Variants in AK8 observed in about 807,000 individuals in gnomAD.
The protein encoded by AK8 is ATP-AMP transphosphorylase 8.
A neutral mutation model predicts 54.6 loss-of-function variants in AK8; 44 were observed. That is an observed-to-expected ratio of 0.81 (90% CI 0.63 to 1.04). The LOEUF is 1.04. Ranked by LOEUF, AK8 falls within the 50% of genes least tolerant of loss-of-function variation. AK8 has a pLI of 0.00. For synonymous variants in AK8, 239 were observed against 245.6 expected (o/e 0.97, Z 0.25); for missense variants, 555 against 613.6 (o/e 0.90, Z 1.01).
At chr9:132,742,524 C>A (rs1161958931) in intron 11 of AK8, among the ~76,000 whole-genome samples, 3 of 152,154 alleles carry the variant, frequency 2.0e-5, no homozygotes, top group African/African-American at 7.2e-5. Context: ...TCTGGGGTGA[C>A]CTTTGGCCAA....
rs111587325 is a variant in AK8, at chr9:132,727,970, C to G, written c.1122-436G>C. Among the ~76,000 whole-genome samples the G allele has an allele frequency of 7.7e-3, 1,165 of 150,914 alleles. 4 individuals carry two copies. The highest frequency in any genetic ancestry group is 0.017 in the Middle Eastern group (5 of 294). On this transcript the variant is annotated intron_variant, in intron 11 of 12. Coordinates refer to ENST00000298545, the MANE Select transcript of AK8 (RefSeq NM_152572.3). ...CCCAGGTCCTGCAGGGCATGGTGTG[C>G]CCCCCTTTTCCTGGGAGCTGTGAGT... is the stretch of plus-strand genomic sequence containing the variant.
At chr9:132,846,049 C>T (rs1402380210) in intron 5 of AK8, among the ~76,000 whole-genome samples, 3 of 152,232 alleles carry the variant, frequency 2.0e-5, no homozygotes, top group East Asian at 3.9e-4. Flanking sequence ...CGATCACTGG[C>T]AGCCCACCCT....
intron 5 of AK8, among the ~76,000 whole-genome samples, chr9:132,829,577 T>A (rs976925041): frequency 1.3e-5 from 2 of 148,954 alleles, no homozygotes; most frequent in African/African-American, 2.4e-5. Flanking sequence ...CCCATATATC[T>A]GCAGGAACAC....
At chr9:132,756,068 C>CA (rs954334761) in intron 11 of AK8, among the ~76,000 whole-genome samples, 2 of 152,194 alleles carry the variant, frequency 1.3e-5, no homozygotes, top group African/African-American at 4.8e-5. Flanking sequence ...CACCTAGACT[C>CA]AAAGACTTTT....
chr9:132,806,043 G>T (rs215161), intron 10 of AK8, among the ~76,000 whole-genome samples: 1 of 151,532 alleles, frequency 6.6e-6, no homozygotes, highest in African/African-American at 2.4e-5. Flanking sequence ...GGGAGGCAAC[G>T]CGAAGGAAAT....
At chr9:132,842,371 C>T (rs1482281975) in intron 5 of AK8, among the ~76,000 whole-genome samples, 2 of 152,096 alleles carry the variant, frequency 1.3e-5, no homozygotes, top group African/African-American at 4.8e-5. Flanking sequence ...AATATTTACC[C>T]AGCATGGAGT....
intron 5 of AK8, among the ~76,000 whole-genome samples, chr9:132,841,867 A>G (rs987187315): frequency 3.3e-5 from 5 of 152,152 alleles, no homozygotes; most frequent in Non-Finnish European, 7.4e-5. Context: ...GGAATAGAGG[A>G]GGAGGAGACA....
chr9:132,836,957 T>G (rs1449278475), intron 5 of AK8, among the ~76,000 whole-genome samples: 1 of 152,248 alleles, frequency 6.6e-6, no homozygotes, highest in Non-Finnish European at 1.5e-5. Flanking sequence ...GCTTAATAAA[T>G]GTCTCCTGGC....
intron 11 of AK8, among the ~76,000 whole-genome samples, chr9:132,753,769 C>A (rs1838059070): frequency 6.6e-6 from 1 of 152,236 alleles, no homozygotes; most frequent in African/African-American, 2.4e-5. Context: ...GAGACAAGTG[C>A]TCTCACGCCC....
At chr9:132,775,407 A>G (rs1270141400) in intron 11 of AK8, among the ~76,000 whole-genome samples, 2 of 152,036 alleles carry the variant, frequency 1.3e-5, no homozygotes, top group African/African-American at 4.8e-5. Flanking sequence ...GATTCAAGCG[A>G]TTCTCCTGCC....
intron 10 of AK8, 109 bp downstream of exon 10, chr9:132,814,529 C>T: frequency 1.8e-6 from 2 of 1,091,232 alleles, no homozygotes; most frequent in Non-Finnish European, 2.6e-6. Flanking sequence ...TTTCCATTTC[C>T]CGGCTGTTCT....
chr9:132,859,634 C>G (rs1162722410), intron 4 of AK8, among the ~76,000 whole-genome samples: 1 of 150,448 alleles, frequency 6.6e-6, no homozygotes, highest in Non-Finnish European at 1.5e-5. Flanking sequence ...CCTACCCTGT[C>G]CCCCTCCTTC....
chr9:132,829,835 G>A (rs377027621), intron 5 of AK8, among the ~76,000 whole-genome samples: 7 of 152,156 alleles, frequency 4.6e-5, no homozygotes, highest in Non-Finnish European at 7.3e-5. Flanking sequence ...GATTACTGGC[G>A]TGAGCCACTG....
chr9:132,754,185 G>A (rs997556792), intron 11 of AK8, among the ~76,000 whole-genome samples: 1 of 152,218 alleles, frequency 6.6e-6, no homozygotes, highest in Non-Finnish European at 1.5e-5. Flanking sequence ...CAACACGCAA[G>A]GTCGGGAAAG....
At chr9:132,808,418 G>A (rs1387862315) in intron 10 of AK8, among the ~76,000 whole-genome samples, 1 of 152,176 alleles carries the variant, frequency 6.6e-6, no homozygotes, top group African/African-American at 2.4e-5. Context: ...CAAGAGCCTG[G>A]GATCAAGGGA....
intron 5 of AK8, among the ~76,000 whole-genome samples, chr9:132,845,898 A>T (rs1842729328): frequency 1.0e-5 from 1 of 97,644 alleles, no homozygotes; most frequent in Non-Finnish European, 2.6e-5. Flanking sequence ...TGAGGTAGAA[A>T]TTTTTTAAAA....
At chr9:132,758,002 T>TC (rs1369042449) in intron 11 of AK8, among the ~76,000 whole-genome samples, 1 of 152,258 alleles carries the variant, frequency 6.6e-6, no homozygotes, top group Non-Finnish European at 1.5e-5. Context: ...GTCCCTCACA[T>TC]CGCTGTCCTG....
intron 11 of AK8, among the ~76,000 whole-genome samples, chr9:132,740,712 C>A (rs898608837): frequency 1.8e-5 from 2 of 108,436 alleles, no homozygotes; most frequent in East Asian, 3.9e-4. Flanking sequence ...GAGCTGAGCA[C>A]CCCCCCGCCC....
chr9:132,755,673 T>C (rs186874999), intron 11 of AK8, among the ~76,000 whole-genome samples: 1 of 152,242 alleles, frequency 6.6e-6, no homozygotes, highest in East Asian at 1.9e-4. Context: ...CAGTAGCCGT[T>C]GCATTATAGC....
Sources: gnomAD v4.1 joint callset for allele counts (sites outside exome capture counted in the v4.1 genomes callset) on GRCh38, gnomAD v4.1.1 for gene constraint, MANE v1.5 for transcripts, NCBI Gene and HGNC (gene_info 2026-07-23, HGNC 2026-07-21) for gene names.